ANO2: variants seen among roughly 807,000 people sequenced by gnomAD.
ANO2 encodes the protein anoctamin-2.
Under a neutral mutation model 124.2 loss-of-function variants are expected in ANO2, and 101 were observed. The observed-to-expected ratio is 0.81, with a 90% CI of 0.69 to 0.96. ANO2 has a LOEUF of 0.96. Ranked by LOEUF, ANO2 falls within the 40% of genes least tolerant of loss-of-function variation. The pLI is 0.00. For missense variants in ANO2, 1,293 were observed against 1,274.5 expected, an observed-to-expected ratio of 1.01 and a Z score of -0.22; for synonymous variants, 486 against 482.5, an observed-to-expected ratio of 1.01 and a Z score of -0.09.
At chr12:5,909,108 G>A (rs906129705) in intron 3 of ANO2, among the ~76,000 whole-genome samples, 11 of 152,252 alleles carry the variant, frequency 7.2e-5, no homozygotes, top group South Asian at 2.1e-4. Flanking sequence ...GGTTCTTAAC[G>A]TACCAGCATG....
chr12:5,648,574 G>C (rs113139852), intron 14 of ANO2, among the ~76,000 whole-genome samples: 3 of 152,342 alleles, frequency 2.0e-5, no homozygotes, highest in African/African-American at 7.2e-5. Context: ...GTGGGGGACA[G>C]GGGAGGGGCT....
chr12:5,890,185 G>A (rs1211249243), intron 3 of ANO2, among the ~76,000 whole-genome samples: 1 of 152,140 alleles, frequency 6.6e-6, no homozygotes, highest in Admixed American at 6.5e-5. Flanking sequence ...GGCCTCCCAT[G>A]GCCAGAGTCC....
In ANO2 at chr12:5,616,188, C is replaced by T. The variant is rs375575972; in HGVS notation, c.1817-891G>A. ...CCATTTGGGATGCTATAACAAGCTA[C>T]CATAAACTGAGTGTTCAAGAAAACC... On this transcript the variant is annotated intron_variant, in intron 16 of 24. Transcript: ENST00000682330. 1.1e-4 allele frequency among the ~76,000 whole-genome samples: 17 copies of T among 152,252 alleles called. No individual in the cohort carries two copies. The East Asian group carries it at 3.3e-3, about 29-fold the overall frequency.
intron 14 of ANO2, among the ~76,000 whole-genome samples, chr12:5,652,052 T>C (rs1215290132): frequency 6.6e-6 from 1 of 152,262 alleles, no homozygotes; most frequent in Non-Finnish European, 1.5e-5. Context: ...AAAGCCATTG[T>C]AAAAGTGGCT....
At chr12:5,825,901 C>T (rs1953940968) in intron 7 of ANO2, among the ~76,000 whole-genome samples, 2 of 152,166 alleles carry the variant, frequency 1.3e-5, no homozygotes, top group Admixed American at 6.5e-5. Flanking sequence ...TGCTGAGGTG[C>T]TTCCTGAAGG....
chr12:5,922,589 T>TTGCCCC lies in ANO2; in HGVS notation c.207+30_207+31insGGGGCA. The TTGCCCC allele has an allele frequency of 2.8e-6, 4 of 1,449,812 alleles. No individual in the cohort carries two copies. The African/African-American group carries it at 5.8e-5, about 21-fold the overall frequency. The allele number at this position is 1,449,812 out of a possible 1,614,324, so 89.8% of individuals were successfully genotyped here. On this transcript the variant is annotated intron_variant, in intron 2 of 24. Transcript: ENST00000682330. ...GGTGGCCTGCAACAGGGCTGGCCTA[T>TTGCCCC]CCCCCCACCCCACCCCCGCCCAGTA...
At chr12:5,640,262 C>G (rs919417317) in intron 15 of ANO2, among the ~76,000 whole-genome samples, 5 of 152,162 alleles carry the variant, frequency 3.3e-5, no homozygotes, top group African/African-American at 1.2e-4. Context: ...GGTTCAAGCA[C>G]AGGGGTGAAG....
chr12:5,804,788 T>A (rs1206376434), intron 9 of ANO2, among the ~76,000 whole-genome samples: 2 of 152,172 alleles, frequency 1.3e-5, no homozygotes, highest in Admixed American at 6.5e-5. Flanking sequence ...TTAGTGCAGG[T>A]AACAGAAGGC....
intron 14 of ANO2, among the ~76,000 whole-genome samples, chr12:5,722,662 G>C (rs1306679413): frequency 6.6e-6 from 1 of 152,154 alleles, no homozygotes; most frequent in East Asian, 1.9e-4. Context: ...ATGGCACCCT[G>C]GGGTGTCTCG....
chr12:5,653,534 G>C (rs1013737088), intron 14 of ANO2, among the ~76,000 whole-genome samples: 1 of 152,180 alleles, frequency 6.6e-6, no homozygotes, highest in Non-Finnish European at 1.5e-5. Context: ...CACTCAATGA[G>C]TATACCACAT....
chr12:5,922,692 G>A lies in ANO2; in HGVS notation c.135C>T (p.Ala45=), dbSNP rs761079412. 7 of 1,584,200 alleles carry A rather than the reference G, an allele frequency of 4.4e-6. No homozygotes were observed. The highest frequency in any genetic ancestry group is 1.2e-5 in the South Asian group (1 of 86,714). The change falls in exon 2 of 25, where the codon GCC becomes GCT. Residue 45 remains alanine, a synonymous_variant. Transcript: ENST00000682330. ...TGTTGGAACCGCCCTGCAGACCTGGGGCCCGGGGACCTGGCATCTTGAGAC... is the reference window on the plus strand; with the variant it reads ...TGTTGGAACCGCCCTGCAGACCTGGAGCCCGGGGACCTGGCATCTTGAGAC... The part of the protein sequence containing the change: ...QQCLKMPGPR[A]PGLQGGSNRD...
At chr12:5,745,731 G>A (rs1951247244) in intron 11 of ANO2, among the ~76,000 whole-genome samples, 1 of 152,122 alleles carries the variant, frequency 6.6e-6, no homozygotes, top group Non-Finnish European at 1.5e-5. Context: ...CGGTCCCTGA[G>A]GATAAACCCC....
rs1940566477 is a variant in ANO2 at position 5,904,843 on chromosome 12, GCT to G, written c.534+16195_534+16196del. On this transcript the variant is annotated intron_variant, in intron 3 of 24. Transcript: ENST00000682330. The surrounding 1 kb of genome is among the most constrained non-coding windows in gnomAD (Gnocchi z 4.1). The stretch of plus-strand genomic sequence containing the variant: ...ATTAAAAGGTATCTGCAGGGATCCA[GCT>G]CTTTCCCAACCCACAAGCTCCCACC... Among the ~76,000 whole-genome samples the G allele has an allele frequency of 6.6e-6, 1 of 152,150 alleles. No homozygotes were observed. Among genetic ancestry groups the G allele is most frequent in the South Asian group, 2.1e-4 (1 of 4,832 alleles).
intron 7 of ANO2, among the ~76,000 whole-genome samples, chr12:5,815,507 A>G (rs1312574841): frequency 6.6e-6 from 1 of 152,166 alleles, no homozygotes; most frequent in Non-Finnish European, 1.5e-5. Flanking sequence ...TTATGTGGAG[A>G]ATATATGTAG....
At chr12:5,913,662 G>T (rs955158478) in intron 3 of ANO2, among the ~76,000 whole-genome samples, 4 of 152,198 alleles carry the variant, frequency 2.6e-5, no homozygotes, top group Admixed American at 2.0e-4. Context: ...CCCCTTAGTG[G>T]CAGCGTGACC....
chr12:5,637,159 C>A (rs758743864), intron 15 of ANO2, among the ~76,000 whole-genome samples: 2 of 152,094 alleles, frequency 1.3e-5, no homozygotes, highest in Non-Finnish European at 2.9e-5. Flanking sequence ...CATGACATCA[C>A]CCCTCTCCAA....
chr12:5,618,428 C>T (rs1169047650), intron 16 of ANO2, among the ~76,000 whole-genome samples: 2 of 152,180 alleles, frequency 1.3e-5, no homozygotes, highest in African/African-American at 4.8e-5. Flanking sequence ...GTCATTATCT[C>T]ACTTAATCCT....
chr12:5,944,403 G>C (rs866843200), intron 1 of ANO2, among the ~76,000 whole-genome samples: 3 of 152,158 alleles, frequency 2.0e-5, no homozygotes, highest in African/African-American at 7.2e-5. Flanking sequence ...CAAAGTATCA[G>C]GACTGTGACT....
chr12:5,659,859 C>A (rs1184844115), intron 14 of ANO2, among the ~76,000 whole-genome samples: 1 of 152,154 alleles, frequency 6.6e-6, no homozygotes, highest in Non-Finnish European at 1.5e-5. Flanking sequence ...TGTGCCCTGC[C>A]TGGATTGGGA....
Sources: allele counts gnomAD v4.1 joint callset (sites outside exome capture counted in the v4.1 genomes callset), GRCh38; gene constraint gnomAD v4.1.1; non-coding constraint Gnocchi (gnomAD v3.1); transcripts MANE v1.5; gene names NCBI Gene and HGNC (gene_info 2026-07-23, HGNC 2026-07-21).